RELN: variants seen among roughly 807,000 people sequenced by gnomAD.
The protein encoded by RELN is reelin.
In RELN, 108 loss-of-function variants were observed where a neutral mutation model predicts 427.6. That is an observed-to-expected ratio of 0.25 (90% CI 0.22 to 0.30). The LOEUF (loss-of-function observed/expected upper bound fraction) is 0.30. Ranked by LOEUF, RELN falls within the 10% of genes least tolerant of loss-of-function variation. The pLI is 1.00. For missense variants in RELN, 3,715 were observed against 4,302.8 expected (o/e 0.86, Z 3.82); for synonymous variants, 1,524 against 1,513.4 (o/e 1.01, Z -0.16).
In RELN at chr7:103,603,664, T is replaced by C. The variant is rs142033691; in HGVS notation, c.3147-174A>G. Reference sequence around the variant, plus strand: ...GGTAGTAACAACCCTCAGTTTTTCATACTCCCCTTAAAACTGATAGAATCT... The same window carrying C: ...GGTAGTAACAACCCTCAGTTTTTCACACTCCCCTTAAAACTGATAGAATCT... On this transcript the variant is annotated intron_variant, in intron 23 of 64. Transcript: ENST00000428762. This position sits in a 1 kb window ranked among gnomAD's most constrained non-coding sequence, Gnocchi z 4.3. 1.3e-4 allele frequency among the ~76,000 whole-genome samples: 20 copies of C among 152,318 alleles called. No homozygotes were observed. The highest frequency in any genetic ancestry group is 4.8e-4 in the African/African-American group (20 of 41,586).
chr7:103,843,833 C>A (rs1793612951), intron 2 of RELN, among the ~76,000 whole-genome samples: 1 of 152,148 alleles, frequency 6.6e-6, no homozygotes, highest in East Asian at 1.9e-4. Context: ...CTCTGCCCTG[C>A]CTGTCTGTAA....
chr7:103,523,457 A>G lies in RELN; in HGVS notation c.7424T>C (p.Val2475Ala). The G allele has an allele frequency of 6.2e-7, 1 of 1,614,028 alleles. No individual in the cohort carries two copies. The highest frequency in any genetic ancestry group is 2.2e-5 in the East Asian group (1 of 44,850). Reference protein sequence around the residue: ...DKQQTWAIDNVYIGDGCIDMC... With the variant: ...DKQQTWAIDNAYIGDGCIDMC... ...GTCTATGCAGCCATCCCCGATATAGACATTATCTATTGCCCATGTCTGCTG... is the reference window on the plus strand; with the variant it reads ...GTCTATGCAGCCATCCCCGATATAGGCATTATCTATTGCCCATGTCTGCTG... Residue 2475 changes from valine to alanine, a missense_variant, in exon 47 of 65, where the codon GTC (valine) becomes GCC (alanine). Val to Ala is a moderately conservative substitution (Grantham distance 64). Transcript: ENST00000428762.
chr7:103,962,768 G>A (rs1415414270), intron 1 of RELN, among the ~76,000 whole-genome samples: 1 of 152,042 alleles, frequency 6.6e-6, no homozygotes, highest in African/African-American at 2.4e-5. Context: ...GAATGTCATA[G>A]AACACATTTT....
intron 34 of RELN, among the ~76,000 whole-genome samples, chr7:103,564,395 C>T (rs892584243): frequency 6.6e-6 from 1 of 152,128 alleles, no homozygotes; most frequent in African/African-American, 2.4e-5. Context: ...GTGAGGAAAC[C>T]GGAGTTTAGC....
intron 7 of RELN, among the ~76,000 whole-genome samples, chr7:103,727,832 T>C (rs1790251193): frequency 6.6e-6 from 1 of 152,182 alleles, no homozygotes; most frequent in African/African-American, 2.4e-5. Context: ...ATGGATATTA[T>C]AGCAAATACT....
intron 2 of RELN, among the ~76,000 whole-genome samples, chr7:103,883,142 C>A (rs925315638): frequency 6.6e-6 from 1 of 152,186 alleles, no homozygotes; most frequent in Non-Finnish European, 1.5e-5. Flanking sequence ...ATATCCAAAT[C>A]AATAAACGTA....
In RELN at chr7:103,635,484, A is replaced by G. The variant is rs1229716884; in HGVS notation, c.2406T>C (p.Asp802=). The G allele has an allele frequency of 1.2e-6, 2 of 1,614,044 alleles. No homozygotes were observed. Among genetic ancestry groups the G allele is most frequent in the South Asian group, 2.2e-5 (2 of 91,084 alleles). ...GEGVLLHYSY[D]NGITWKLLEH... is the part of the protein sequence containing the mutation. ...CCAGGAGTTTCCAAGTTATCCCATT[A>G]TCATAAGAATAATGCAACAAAACTC... Residue 802 remains aspartate, a synonymous_variant, in exon 19 of 65, where the codon GAT becomes GAC. Coordinates refer to ENST00000428762, the MANE Select transcript of RELN (RefSeq NM_005045.4).
rs1040055029 is a variant in RELN at position 103,824,305 on chromosome 7, T to C, written c.473+9232A>G. Among the ~76,000 whole-genome samples, 1 of 152,076 alleles carries C rather than the reference T, an allele frequency of 6.6e-6. No homozygotes were observed. Among genetic ancestry groups the C allele is most frequent in the Admixed American group, 6.6e-5 (1 of 15,218 alleles). On this transcript the variant is annotated intron_variant, in intron 3 of 64. Coordinates refer to ENST00000428762, the MANE Select transcript of RELN (RefSeq NM_005045.4). The surrounding 1 kb of genome is among the most constrained non-coding windows in gnomAD (Gnocchi z 4.4). ...TACTAATGTAAAGCTAGACTCCATA[T>C]ACTGAGGGTTTTATCTTCTTACAAG...
intron 10 of RELN, among the ~76,000 whole-genome samples, chr7:103,684,372 T>G (rs1443489811): frequency 6.6e-6 from 1 of 152,098 alleles, no homozygotes; most frequent in Non-Finnish European, 1.5e-5. Flanking sequence ...GCATTCAGAT[T>G]GAGATAGTGT....
At chr7:103,700,649 G>A (rs1331789000) in intron 9 of RELN, among the ~76,000 whole-genome samples, 1 of 152,124 alleles carries the variant, frequency 6.6e-6, no homozygotes, top group African/African-American at 2.4e-5. Flanking sequence ...AAAAAGCTAT[G>A]ATTGCAAATT....
At chr7:103,831,231 G>A (rs967723684) in intron 3 of RELN, among the ~76,000 whole-genome samples, 5 of 152,068 alleles carry the variant, frequency 3.3e-5, no homozygotes, top group African/African-American at 1.2e-4. Context: ...TGTATGGCAA[G>A]AATTCGATTC....
At chr7:103,756,071 C>T (rs1392647768) in intron 4 of RELN, among the ~76,000 whole-genome samples, 1 of 152,172 alleles carries the variant, frequency 6.6e-6, no homozygotes, top group Non-Finnish European at 1.5e-5. Context: ...AACAAAATAT[C>T]TGCAGAAATA....
At chr7:103,492,874 G>C (rs1828716448) in intron 57 of RELN, among the ~76,000 whole-genome samples, 1 of 152,138 alleles carries the variant, frequency 6.6e-6, no homozygotes, top group South Asian at 2.1e-4. Context: ...GTGAAAGAAA[G>C]AGTGTGAGTG....
chr7:103,515,182 T>C lies in RELN; in HGVS notation c.8119+3A>G. The C allele has an allele frequency of 6.2e-7, 1 of 1,614,152 alleles. No individual in the cohort carries two copies. Among genetic ancestry groups the C allele is most frequent in the South Asian group, 1.1e-5 (1 of 91,086 alleles). ...TTTTTATTTAGCGCTGTGCATAATT[T>C]ACCTGAAGTTTTGTCTTCCATAAAC... On this transcript the variant is annotated splice_donor_region_variant and intron_variant, in intron 50 of 64. Transcript: ENST00000428762.
Position 103,620,475 on chromosome 7 carries a change from ATTTT to A in RELN, c.2703-8676_2703-8673del, listed in dbSNP as rs67744980. ...GTTGAAGATAACTCACCCGATCCAC[ATTTT>A]TTTTTTTTTTTTGAGATAGAGTCTC... On this transcript the variant is annotated intron_variant, in intron 20 of 64. Coordinates refer to ENST00000428762, the MANE Select transcript of RELN (RefSeq NM_005045.4). The surrounding 1 kb of genome is among the most constrained non-coding windows in gnomAD (Gnocchi z 4.1). Among the ~76,000 whole-genome samples the A allele has an allele frequency of 7.3e-6, 1 of 137,852 alleles. No homozygotes were observed. 90.4% of individuals were successfully genotyped at this position (137,852 alleles called of 152,430 possible).
intron 22 of RELN, 145 bp from the exon 23 acceptor site, chr7:103,604,628 C>A (rs1831770632): frequency 7.7e-6 from 6 of 779,282 alleles, no homozygotes; most frequent in Non-Finnish European, 1.3e-5. Context: ...AATTTCCACT[C>A]AATTATTGTC....
At chr7:103,752,555 C>T (rs926880510) in intron 5 of RELN, among the ~76,000 whole-genome samples, 4 of 129,058 alleles carry the variant, frequency 3.1e-5, no homozygotes, top group Non-Finnish European at 6.3e-5. Flanking sequence ...ACTCCAGGTG[C>T]ACAACCACCA....
intron 57 of RELN, among the ~76,000 whole-genome samples, chr7:103,494,394 G>GTGTGTGTGTGA (rs774896895): frequency 3.2e-4 from 43 of 134,546 alleles, no homozygotes; most frequent in African/African-American, 1.1e-3. Flanking sequence ...TGTGTGTGTG[G>GTGTGTGTGTGA]GATATGGTCT....
At chr7:103,629,823 G>C (rs1379519851) in intron 20 of RELN, 117 bp downstream of exon 20, 4 of 785,968 alleles carry the variant, frequency 5.1e-6, no homozygotes, top group Non-Finnish European at 9.1e-6. Context: ...TTTTCAAGTA[G>C]TTCCTATTTA....
Sources: gnomAD v4.1 joint callset for allele counts (sites outside exome capture counted in the v4.1 genomes callset) on GRCh38, gnomAD v4.1.1 for gene constraint, Gnocchi (gnomAD v3.1) non-coding constraint, MANE v1.5 for transcripts, NCBI Gene and HGNC (gene_info 2026-07-23, HGNC 2026-07-21) for gene names.